H3-7: variants seen among roughly 807,000 people sequenced by gnomAD.
H3-7 encodes the protein histone H3-7.
chr1:143,903,923 T>TTCCCTCCA, the H3-7 span, among the ~76,000 whole-genome samples: 1 of 145,816 alleles, frequency 6.9e-6, no homozygotes, highest in Non-Finnish European at 1.5e-5. Flanking sequence ...CCCCGCCTCC[T>TTCCCTCCA]TCCCTCCATC....
the H3-7 span, chr1:143,905,627 G>A: frequency 6.3e-7 from 1 of 1,582,690 alleles, no homozygotes; most frequent in Non-Finnish European, 8.7e-7. Flanking sequence ...CGCTTGGCAT[G>A]GATGGCGCAC....
At chr1:143,904,279 T>A in the H3-7 span, 7 of 1,586,272 alleles carry the variant, frequency 4.4e-6, 1 homozygote, top group East Asian at 1.6e-4. Context: ...ACGGCGTGCT[T>A]GGCCAGCTCG....
the H3-7 span, chr1:143,904,461 T>C: frequency 6.3e-7 from 1 of 1,594,842 alleles, no homozygotes. Context: ...GGGGTGGACC[T>C]GCTTCAGCAC....
At chr1:143,902,845 A>AC in the H3-7 span, among the ~76,000 whole-genome samples, 2 of 146,254 alleles carry the variant, frequency 1.4e-5, no homozygotes, top group Non-Finnish European at 3.1e-5. Context: ...GTCAGGTCCC[A>AC]CCTCCAGTCT....
At chr1:143,904,991 C>T in the H3-7 span, among the ~76,000 whole-genome samples, 1 of 124,632 alleles carries the variant, frequency 8.0e-6, no homozygotes. Flanking sequence ...CTCGTTTTTG[C>T]ATTTTTATTC....
the H3-7 span, chr1:143,905,887 C>T: frequency 4.4e-6 from 7 of 1,580,008 alleles, 2 homozygotes; most frequent in East Asian, 1.4e-4. Flanking sequence ...CGCGCTCTTG[C>T]GGGCCGCTTT....
At chr1:143,905,451 G>A in the H3-7 span, 5 of 933,548 alleles carry the variant, frequency 5.4e-6, 1 homozygote, top group Non-Finnish European at 8.0e-6. Context: ...CCTGACCGCT[G>A]CGCAAGGCAG....
At chr1:143,905,380 C>T in the H3-7 span, 247 of 576,334 alleles carry the variant, frequency 4.3e-4, 20 homozygotes, top group African/African-American at 4.2e-3. Flanking sequence ...TCTCTACTGC[C>T]GGCCAACTCA....
chr1:143,904,480 C>G, the H3-7 span: 47 of 1,600,226 alleles, frequency 2.9e-5, 1 homozygote, highest in East Asian at 4.5e-5. Flanking sequence ...ACCTCCTACA[C>G]GTAAACGGAG....
At chr1:143,903,228 T>A in the H3-7 span, among the ~76,000 whole-genome samples, 29 of 124,616 alleles carry the variant, frequency 2.3e-4, 2 homozygotes, top group Non-Finnish European at 1.7e-5. Context: ...AGGTGACTCT[T>A]ATAATTGGGA....
chr1:143,904,234 T>G, the H3-7 span: 1 of 1,575,854 alleles, frequency 6.3e-7, no homozygotes, highest in African/African-American at 1.3e-5. Context: ...TACTTCGAGC[T>G]GGTGTACTTG....
chr1:143,903,980 A>G, the H3-7 span, among the ~76,000 whole-genome samples: 3 of 145,842 alleles, frequency 2.1e-5, no homozygotes, highest in African/African-American at 7.5e-5. Context: ...ATCTCGTAGC[A>G]CAGATAACAA....
the H3-7 span, chr1:143,905,881 C>T: frequency 2.5e-6 from 4 of 1,580,362 alleles, 1 homozygote; most frequent in Non-Finnish European, 3.5e-6. Context: ...GGCCGGCGCG[C>T]TCTTGCGGGC....
chr1:143,903,966 T>TA, the H3-7 span, among the ~76,000 whole-genome samples: 10 of 146,420 alleles, frequency 6.8e-5, 1 homozygote, highest in South Asian at 2.1e-3. Context: ...GTCAAACCTT[T>TA]CTAATCTCGT....
At chr1:143,905,772 C>T in the H3-7 span, 2 of 1,582,162 alleles carry the variant, frequency 1.3e-6, no homozygotes, top group South Asian at 1.1e-5. Flanking sequence ...GGAAGGGCAG[C>T]TTGCGGATCA....
the H3-7 span, chr1:143,904,313 C>T: frequency 2.8e-5 from 44 of 1,582,522 alleles, 5 homozygotes; most frequent in Non-Finnish European, 3.8e-5. Context: ...GGCGCACGGC[C>T]GTCTGGATCT....
the H3-7 span, chr1:143,904,371 G>T: frequency 2.5e-5 from 40 of 1,582,572 alleles, 7 homozygotes; most frequent in Non-Finnish European, 3.4e-5. Context: ...CAGGCGGGAC[G>T]CCTCTCCCGC....
the H3-7 span, chr1:143,905,818 C>T: frequency 5.7e-6 from 9 of 1,582,346 alleles, 1 homozygote; most frequent in South Asian, 6.8e-5. Flanking sequence ...CCGGATCTCC[C>T]GCAGAGCCAC....
At chr1:143,902,625 T>A in the H3-7 span, among the ~76,000 whole-genome samples, 1 of 144,474 alleles carries the variant, frequency 6.9e-6, no homozygotes, top group Non-Finnish European at 1.5e-5. Context: ...TATTCAAGTT[T>A]TGAACTGAGA....
Sources: gnomAD v4.1 joint callset for allele counts (sites outside exome capture counted in the v4.1 genomes callset) on GRCh38, gnomAD v4.1.1 for gene constraint, MANE v1.5 for transcripts, NCBI Gene and HGNC (gene_info 2026-07-23, HGNC 2026-07-21) for gene names.